Variants in CLDN10 observed in about 807,000 individuals in gnomAD.
CLDN10 encodes claudin-10.
In CLDN10, 15 loss-of-function variants were observed where a neutral mutation model predicts 22.9. The observed-to-expected ratio is 0.65, with a 90% CI of 0.44 to 1.01. CLDN10 has a LOEUF of 1.01. Ranked by LOEUF, CLDN10 falls within the 50% of genes least tolerant of loss-of-function variation. The probability of loss-of-function intolerance (pLI) is 0.00; values close to 1 mark genes in which losing one functional copy is unlikely to be tolerated. For missense variants in CLDN10, 247 were observed against 287.8 expected, an observed-to-expected ratio of 0.86 and a Z score of 1.03; for synonymous variants, 114 against 111.4, an observed-to-expected ratio of 1.02 and a Z score of -0.15.
chr13:95,474,536 C>T (rs870706), intron 1 of CLDN10, among the ~76,000 whole-genome samples: 3,897 of 152,200 alleles, frequency 0.026, 159 homozygotes, highest in African/African-American at 0.089. Context: ...GAGCACAGAG[C>T]GGAGAAATAG....
chr13:95,529,860 T>C (rs2043322491), intron 1 of CLDN10, among the ~76,000 whole-genome samples: 2 of 152,146 alleles, frequency 1.3e-5, no homozygotes, highest in South Asian at 4.2e-4. Flanking sequence ...AACTAGCTTA[T>C]TAGATGTGAA....
chr13:95,470,137 GA>G (rs1378199963), intron 1 of CLDN10, among the ~76,000 whole-genome samples: 2 of 152,170 alleles, frequency 1.3e-5, no homozygotes, highest in South Asian at 2.1e-4. Flanking sequence ...ATAAGTTAGT[GA>G]AGTGGAGAAC....
chr13:95,565,941 C>T, intron 3 of CLDN10, among the ~76,000 whole-genome samples: 1 of 152,152 alleles, frequency 6.6e-6, no homozygotes. Flanking sequence ...CATATCCCTG[C>T]CAAGGACATG....
intron 1 of CLDN10, among the ~76,000 whole-genome samples, chr13:95,515,949 C>T (rs142405529): frequency 0.016 from 2,413 of 152,110 alleles, 27 homozygotes; most frequent in Non-Finnish European, 0.021. Flanking sequence ...TGGAGCATGC[C>T]TGTAATCCCA....
At chr13:95,530,063 C>T (rs1429161303) in intron 1 of CLDN10, among the ~76,000 whole-genome samples, 1 of 151,906 alleles carries the variant, frequency 6.6e-6, no homozygotes, top group Non-Finnish European at 1.5e-5. Context: ...GCATATAATG[C>T]TTTTTAGTGC....
At chr13:95,544,788 T>C (rs1462520874) in intron 1 of CLDN10, among the ~76,000 whole-genome samples, 2 of 152,030 alleles carry the variant, frequency 1.3e-5, no homozygotes, top group African/African-American at 4.8e-5. Flanking sequence ...CAACTTTTTT[T>C]TTTTTTGAGA....
intron 3 of CLDN10, among the ~76,000 whole-genome samples, chr13:95,576,382 A>G (rs2043926474): frequency 6.6e-6 from 1 of 152,236 alleles, no homozygotes; most frequent in Non-Finnish European, 1.5e-5. Flanking sequence ...TGGGCCCCAA[A>G]TAAGAGTTAC....
chr13:95,514,265 G>GA (rs1334453577), intron 1 of CLDN10, among the ~76,000 whole-genome samples: 3 of 151,682 alleles, frequency 2.0e-5, no homozygotes, highest in South Asian at 4.2e-4. Context: ...TCTCAGAAAA[G>GA]AAAAAAGGAA....
At chr13:95,554,466 T>C (rs1465896565) in intron 1 of CLDN10, among the ~76,000 whole-genome samples, 1 of 152,162 alleles carries the variant, frequency 6.6e-6, no homozygotes, top group Non-Finnish European at 1.5e-5. Context: ...CTCCTACATG[T>C]CTGCAGTGAG....
rs560889745 is a variant in CLDN10, at chr13:95,512,655, C to A, written c.215-47477C>A. 5.3e-5 allele frequency among the ~76,000 whole-genome samples: 8 copies of A among 152,304 alleles called. No individual in the cohort carries two copies. In the South Asian group the frequency reaches 8.3e-4, roughly 16 times the overall value. ...GCAGCCCTGTGCCATGTCCCCCAGT[C>A]ACCTGGTACTGTCTCCTCTCTGCCA... On this transcript the variant is annotated intron_variant, in intron 1 of 4. Coordinates refer to the CLDN10 transcript ENST00000376873.
At chr13:95,434,869 GT>G (rs532041467) in intron 1 of CLDN10, among the ~76,000 whole-genome samples, 16 of 151,370 alleles carry the variant, frequency 1.1e-4, no homozygotes, top group African/African-American at 3.6e-4. Flanking sequence ...GGGTTTCCAC[GT>G]TTTTTTTAAT....
intron 1 of CLDN10, among the ~76,000 whole-genome samples, chr13:95,495,760 A>AG (rs1555292632): frequency 2.3e-5 from 3 of 129,270 alleles, no homozygotes; most frequent in African/African-American, 7.7e-5. Context: ...AAAAAAAAAG[A>AG]AAAGAAAGAA....
At chr13:95,522,157 G>C (rs1429845148) in intron 1 of CLDN10, among the ~76,000 whole-genome samples, 1 of 151,850 alleles carries the variant, frequency 6.6e-6, no homozygotes, top group Non-Finnish European at 1.5e-5. Flanking sequence ...ATGAAGGCTT[G>C]CTTTACTATT....
chr13:95,536,363 C>T (rs78009268), intron 1 of CLDN10, among the ~76,000 whole-genome samples: 12,235 of 151,980 alleles, frequency 0.081, 653 homozygotes, highest in East Asian at 0.22. Flanking sequence ...GCAAGAGAAT[C>T]GCTTGAACCC....
At chr13:95,446,851 A>C (rs2042385534) in intron 1 of CLDN10, among the ~76,000 whole-genome samples, 1 of 152,106 alleles carries the variant, frequency 6.6e-6, no homozygotes, top group Non-Finnish European at 1.5e-5. Context: ...CAAAAAAAAA[A>C]AGAATTAATA....
chr13:95,488,132 C>T (rs2042825515), intron 1 of CLDN10, among the ~76,000 whole-genome samples: 1 of 151,510 alleles, frequency 6.6e-6, no homozygotes, highest in East Asian at 1.9e-4. Context: ...TTACCAGCGC[C>T]TGCCACCATG....
At chr13:95,508,304 C>T (rs907050098) in intron 1 of CLDN10, among the ~76,000 whole-genome samples, 5 of 152,158 alleles carry the variant, frequency 3.3e-5, no homozygotes, top group Non-Finnish European at 5.9e-5. Context: ...CTCCTCTTCT[C>T]TGCATTAGTG....
At chr13:95,508,491 A>G (rs1350579626) in intron 1 of CLDN10, among the ~76,000 whole-genome samples, 2 of 152,286 alleles carry the variant, frequency 1.3e-5, no homozygotes, top group African/African-American at 4.8e-5. Context: ...CAAGTCCAGG[A>G]CAAACCATTG....
intron 1 of CLDN10, among the ~76,000 whole-genome samples, chr13:95,514,638 G>A (rs1405557014): frequency 6.6e-6 from 1 of 152,178 alleles, no homozygotes; most frequent in Admixed American, 6.5e-5. Context: ...TTGTCAGCAG[G>A]TGAGAGTAGC....
Sources: allele counts gnomAD v4.1 joint callset (sites outside exome capture counted in the v4.1 genomes callset), GRCh38; gene constraint gnomAD v4.1.1; transcripts MANE v1.5; gene names NCBI Gene and HGNC (gene_info 2026-07-23, HGNC 2026-07-21).